The following EPS15 variants were observed in gnomAD, a reference collection of about 807,000 sequenced individuals.
EPS15 encodes the protein epidermal growth factor receptor pathway substrate 15.
Under a neutral mutation model 113.8 loss-of-function variants are expected in EPS15, and 72 were observed. That is an observed-to-expected ratio of 0.63 (90% confidence interval 0.52 to 0.77). EPS15 has a LOEUF of 0.77. Among genes scored for constraint, EPS15 ranks in the 30% least tolerant of loss-of-function variants. The pLI, the probability that EPS15 is intolerant of heterozygous loss-of-function variation, is 0.00. For synonymous variants in EPS15, 344 were observed against 363.4 expected (o/e 0.95, Z 0.61); for missense variants, 1,048 against 1,045.8 (o/e 1.00, Z -0.03).
chr1:51,396,279 A>AT (rs1181781637), intron 20 of EPS15, among the ~76,000 whole-genome samples: 1 of 152,238 alleles, frequency 6.6e-6, no homozygotes, highest in Non-Finnish European at 1.5e-5. Context: ...GGTCACTGAC[A>AT]TAACAAGTCA....
chr1:51,450,008 C>G (rs563843681), intron 8 of EPS15, among the ~76,000 whole-genome samples: 1 of 151,744 alleles, frequency 6.6e-6, no homozygotes, highest in Non-Finnish European at 1.5e-5. Flanking sequence ...GTGCCTGGCC[C>G]GTGGCTGGAT....
chr1:51,411,258 G>T (rs9436906), intron 13 of EPS15, among the ~76,000 whole-genome samples: 2,005 of 152,102 alleles, frequency 0.013, 60 homozygotes, highest in African/African-American at 0.046. Context: ...TTCCTTTAAA[G>T]CCCAGGCAGA....
intron 2 of EPS15, among the ~76,000 whole-genome samples, chr1:51,480,700 CA>C (rs1390953375): frequency 6.6e-6 from 1 of 152,062 alleles, no homozygotes; most frequent in Non-Finnish European, 1.5e-5. Flanking sequence ...TTAGTAGAGA[CA>C]GGGTTTCACC....
chr1:51,376,481 T>C (rs889697803), intron 21 of EPS15, among the ~76,000 whole-genome samples: 1 of 151,684 alleles, frequency 6.6e-6, no homozygotes, highest in African/African-American at 2.4e-5. Context: ...CTGGCCAACA[T>C]GGTGAAATCC....
At chr1:51,365,791 TTAAC>T (rs145435915) in intron 22 of EPS15, among the ~76,000 whole-genome samples, 158 bp downstream of exon 22, 3,515 of 152,334 alleles carry the variant, frequency 0.023, 58 homozygotes, top group Non-Finnish European at 0.031. Context: ...TATGTCTACT[TTAAC>T]TATATGTTAT....
At chr1:51,433,927 A>G (rs973582254) in intron 12 of EPS15, among the ~76,000 whole-genome samples, 1 of 152,084 alleles carries the variant, frequency 6.6e-6, no homozygotes, top group African/African-American at 2.4e-5. Context: ...TGACTGAAGC[A>G]CTCTCTTAGT....
At chr1:51,489,314 TGTATGTATGTA>T (rs1199662007) in intron 1 of EPS15, among the ~76,000 whole-genome samples, 6 of 141,450 alleles carry the variant, frequency 4.2e-5, no homozygotes, top group Admixed American at 2.1e-4. Flanking sequence ...TATGTATGTA[TGTATGTATGTA>T]TTTTTTTTTT....
chr1:51,508,236 A>T (rs1469423246), intron 1 of EPS15, among the ~76,000 whole-genome samples: 2 of 92,586 alleles, frequency 2.2e-5, no homozygotes. Context: ...AAGAAAAGAA[A>T]AGAAAGAGAG....
intron 1 of EPS15, among the ~76,000 whole-genome samples, chr1:51,515,451 GAC>G (rs1644697705): frequency 6.7e-6 from 1 of 149,896 alleles, no homozygotes; most frequent in Non-Finnish European, 1.5e-5. Flanking sequence ...CAACATGGGT[GAC>G]AGAGTGTGAT....
intron 24 of EPS15, among the ~76,000 whole-genome samples, chr1:51,360,804 C>T (rs1223624545): frequency 1.3e-5 from 2 of 152,084 alleles, no homozygotes; most frequent in African/African-American, 4.8e-5. Context: ...TTATTACTGG[C>T]ATTATTCATC....
intron 12 of EPS15, among the ~76,000 whole-genome samples, chr1:51,432,649 T>C (rs1651832006): frequency 6.6e-6 from 1 of 152,188 alleles, no homozygotes; most frequent in African/African-American, 2.4e-5. Flanking sequence ...CATCTTAAAT[T>C]GGACTAGCCA....
At chr1:51,406,302 C>T (rs1009267510) in intron 15 of EPS15, among the ~76,000 whole-genome samples, 194 bp from the exon 16 acceptor site, 5 of 152,070 alleles carry the variant, frequency 3.3e-5, no homozygotes, top group African/African-American at 1.2e-4. Context: ...ACGGTGAAAC[C>T]TCATTTCTAC....
At chr1:51,420,563 C>A (rs775277570) in intron 13 of EPS15, among the ~76,000 whole-genome samples, 13 of 152,122 alleles carry the variant, frequency 8.5e-5, no homozygotes, top group Non-Finnish European at 1.5e-4. Flanking sequence ...GAATGTGTGG[C>A]TCTTTTGCAT....
At chr1:51,423,310 TA>T (rs1318021825) in intron 12 of EPS15, 1 of 1,276,212 alleles carries the variant, frequency 7.8e-7, no homozygotes, top group African/African-American at 1.5e-5. Flanking sequence ...TACCTCAACC[TA>T]TTTATCATGC....
chr1:51,476,211 TTAAAG>T (rs1257267331), intron 2 of EPS15, among the ~76,000 whole-genome samples: 6 of 152,200 alleles, frequency 3.9e-5, no homozygotes, highest in Non-Finnish European at 5.9e-5. Flanking sequence ...CATATGAACT[TTAAAG>T]TAGTTTTTTT....
chr1:51,384,417 C>T (rs1208778324), intron 21 of EPS15, among the ~76,000 whole-genome samples: 1 of 150,786 alleles, frequency 6.6e-6, no homozygotes, highest in Non-Finnish European at 1.5e-5. Flanking sequence ...CCTCCCACCT[C>T]AGCTTCCCAA....
chr1:51,455,088 TTC>T (rs1454775074), intron 8 of EPS15, among the ~76,000 whole-genome samples: 1 of 152,162 alleles, frequency 6.6e-6, no homozygotes, highest in Non-Finnish European at 1.5e-5. Context: ...AAATACTAGA[TTC>T]CTAGATTTAC....
chr1:51,508,350 AAG>A, intron 1 of EPS15, among the ~76,000 whole-genome samples: 1 of 144,206 alleles, frequency 6.9e-6, no homozygotes. Flanking sequence ...GAAAGAAAGA[AAG>A]AAAGAAAGAA....
chr1:51,357,795 T>C (rs2148337361), intron 24 of EPS15, among the ~76,000 whole-genome samples: 1 of 150,864 alleles, frequency 6.6e-6, no homozygotes, highest in African/African-American at 2.4e-5. Context: ...GGCTGGGTGC[T>C]ATGGAGCAAT....
Sources: gnomAD v4.1 joint callset for allele counts (sites outside exome capture counted in the v4.1 genomes callset) on GRCh38, gnomAD v4.1.1 for gene constraint, MANE v1.5 for transcripts, NCBI Gene and HGNC (gene_info 2026-07-23, HGNC 2026-07-21) for gene names.